Variants in CSMD1 observed in about 807,000 individuals in gnomAD.
CSMD1 encodes CUB and sushi domain-containing protein 1.
In CSMD1, 213 loss-of-function variants were observed where a neutral mutation model predicts 417.5. The observed-to-expected ratio is 0.51, with a 90% CI of 0.46 to 0.57. The LOEUF is 0.57. Among genes scored for constraint, CSMD1 ranks in the 20% least tolerant of loss-of-function variants. CSMD1 has a pLI of 0.00. For missense variants in CSMD1, 6,923 were observed against 4,529.7 expected, an observed-to-expected ratio of 1.53 and a Z score of -15.17; for synonymous variants, 2,862 against 1,736.8, an observed-to-expected ratio of 1.65 and a Z score of -16.11.
At chr8:4,141,451 G>A (rs144184718) in intron 3 of CSMD1, among the ~76,000 whole-genome samples, 2 of 151,168 alleles carry the variant, frequency 1.3e-5, no homozygotes, top group Admixed American at 6.6e-5. Flanking sequence ...AGCATTTCAC[G>A]GTTTAACACT....
At chr8:4,585,208 G>C (rs990441324) in intron 2 of CSMD1, among the ~76,000 whole-genome samples, 4 of 151,980 alleles carry the variant, frequency 2.6e-5, no homozygotes, top group African/African-American at 9.7e-5. Context: ...GAAATAAAGA[G>C]CACCATAAAG....
At chr8:3,937,892 A>G (rs1290841833) in intron 5 of CSMD1, among the ~76,000 whole-genome samples, 1 of 152,208 alleles carries the variant, frequency 6.6e-6, no homozygotes, top group African/African-American at 2.4e-5. Flanking sequence ...AAGAAACTTT[A>G]TGATTTAAAG....
intron 48 of CSMD1, among the ~76,000 whole-genome samples, chr8:3,088,752 A>G (rs1348383017): frequency 6.6e-6 from 1 of 151,616 alleles, no homozygotes; most frequent in Non-Finnish European, 1.5e-5. Context: ...AAATTCTTCT[A>G]AGTTTTGAAT....
intron 5 of CSMD1, among the ~76,000 whole-genome samples, chr8:3,888,301 T>C (rs1037612192): frequency 3.3e-5 from 5 of 152,176 alleles, no homozygotes; most frequent in Non-Finnish European, 1.5e-5. Flanking sequence ...AGCTTGACAC[T>C]TTGATCTTCA....
At chr8:4,244,978 A>G (rs1802617299) in intron 3 of CSMD1, among the ~76,000 whole-genome samples, 2 of 152,190 alleles carry the variant, frequency 1.3e-5, no homozygotes, top group Admixed American at 6.5e-5. Flanking sequence ...AAAAGCCTGG[A>G]GTGGAAGTAA....
At chr8:3,591,964 T>G (rs1022723066) in intron 8 of CSMD1, among the ~76,000 whole-genome samples, 3 of 151,914 alleles carry the variant, frequency 2.0e-5, no homozygotes, top group African/African-American at 7.3e-5. Flanking sequence ...GATAGATGAA[T>G]GGATGGAAAG....
intron 1 of CSMD1, among the ~76,000 whole-genome samples, chr8:4,696,254 T>G (rs1393567773): frequency 6.6e-6 from 1 of 152,238 alleles, no homozygotes; most frequent in Non-Finnish European, 1.5e-5. Context: ...CACATAAGAA[T>G]TCAATAGTTG....
chr8:4,600,325 T>A (rs961434233), intron 2 of CSMD1, among the ~76,000 whole-genome samples: 11 of 152,104 alleles, frequency 7.2e-5, no homozygotes, highest in African/African-American at 2.7e-4. Flanking sequence ...TGGGTAGAAA[T>A]GGAAAGTTAG....
At chr8:3,212,705 T>C (rs995026722) in intron 30 of CSMD1, among the ~76,000 whole-genome samples, 1 of 152,108 alleles carries the variant, frequency 6.6e-6, no homozygotes, top group Non-Finnish European at 1.5e-5. Flanking sequence ...CAGCTACACT[T>C]CTTTAACTTA....
intron 2 of CSMD1, among the ~76,000 whole-genome samples, chr8:4,486,176 CATACATATATATATATATATAT>C (rs1563223773): frequency 0.025 from 258 of 10,308 alleles, 6 homozygotes; most frequent in African/African-American, 0.091. Flanking sequence ...TATATATATA[CATACATATATATATATATATAT>C]ACATACATAT....
At chr8:3,499,916 C>T (rs922529068) in intron 10 of CSMD1, among the ~76,000 whole-genome samples, 4 of 152,050 alleles carry the variant, frequency 2.6e-5, no homozygotes, top group Admixed American at 1.3e-4. Flanking sequence ...GAGAGGAACC[C>T]GGTGTGAGTT....
At chr8:4,622,117 G>A (rs936528445) in intron 2 of CSMD1, among the ~76,000 whole-genome samples, 1 of 149,766 alleles carries the variant, frequency 6.7e-6, no homozygotes, top group Non-Finnish European at 1.5e-5. Context: ...GGGAAATTCA[G>A]TATGAAGAAC....
intron 1 of CSMD1, among the ~76,000 whole-genome samples, chr8:4,715,143 C>G (rs928278819): frequency 2.6e-5 from 4 of 152,136 alleles, no homozygotes; most frequent in Non-Finnish European, 5.9e-5. Context: ...ATTAACGTAA[C>G]TATAAACTAA....
rs189793728 is a variant in CSMD1 at position 4,521,783 on chromosome 8, G to A, written c.303-101718C>T. ...AGAAAGCTCTTCACTGGATACTTAA[G>A]TGTGAAAGGAAAACCAAGCACCTGG... On this transcript the variant is annotated intron_variant, in intron 2 of 69. Transcript: ENST00000635120. 7.4e-4 allele frequency among the ~76,000 whole-genome samples: 112 copies of A among 152,252 alleles called. No homozygotes were observed. The East Asian group carries it at 0.019, about 26-fold the overall frequency.
At chr8:3,847,654 A>C (rs1461890154) in intron 5 of CSMD1, among the ~76,000 whole-genome samples, 3 of 152,084 alleles carry the variant, frequency 2.0e-5, no homozygotes, top group African/African-American at 7.2e-5. Context: ...CACTGCCTTC[A>C]GCTGCTGCAT....
rs1279590507 is a variant in CSMD1, at chr8:4,300,997, T to G, written c.415+118956A>C. The stretch of plus-strand genomic sequence containing the variant: ...GTAAATAGTGCACTATAAACATAAG[T>G]GTGCATGTGTCTTTATAGCAGCATG... On this transcript the variant is annotated intron_variant, in intron 3 of 69. Coordinates refer to ENST00000635120, the MANE Select transcript of CSMD1 (RefSeq NM_033225.6). 2.0e-5 allele frequency among the ~76,000 whole-genome samples: 3 copies of G among 152,140 alleles called. 1 individual carries two copies. Among genetic ancestry groups the G allele is most frequent in the Non-Finnish European group, 4.4e-5 (3 of 68,030 alleles).
intron 18 of CSMD1, among the ~76,000 whole-genome samples, chr8:3,374,222 G>A (rs969888500): frequency 6.6e-6 from 1 of 152,054 alleles, no homozygotes; most frequent in Non-Finnish European, 1.5e-5. Context: ...GCCTCCCAAT[G>A]TGCTGAGATT....
At chr8:3,303,843 A>T (rs1169050627) in intron 25 of CSMD1, among the ~76,000 whole-genome samples, 1 of 152,208 alleles carries the variant, frequency 6.6e-6, no homozygotes, top group Admixed American at 6.5e-5. Context: ...TAGACTTTTA[A>T]TTAAATTTGG....
At chr8:3,489,685 A>G (rs191848109) in intron 11 of CSMD1, among the ~76,000 whole-genome samples, 262 of 152,276 alleles carry the variant, frequency 1.7e-3, no homozygotes, top group Non-Finnish European at 1.6e-3. Context: ...TTATTCTTTT[A>G]TATTGTGCCA....
Sources: allele counts gnomAD v4.1 joint callset (sites outside exome capture counted in the v4.1 genomes callset), GRCh38; gene constraint gnomAD v4.1.1; transcripts MANE v1.5; gene names NCBI Gene and HGNC (gene_info 2026-07-23, HGNC 2026-07-21).